Variants in CWC27 observed in about 807,000 individuals in gnomAD.
CWC27 encodes the protein spliceosome-associated protein CWC27 homolog.
Under a neutral mutation model 63.6 loss-of-function variants are expected in CWC27, and 47 were observed. The ratio of observed to expected loss-of-function variants is 0.74; its 90% CI spans 0.58 to 0.94. The LOEUF (loss-of-function observed/expected upper bound fraction) is 0.94, where lower values mean the gene tolerates loss of function less well. Among genes scored for constraint, CWC27 ranks in the 40% least tolerant of loss-of-function variants. The pLI, the probability that CWC27 is intolerant of heterozygous loss-of-function variation, is 0.00. For synonymous variants in CWC27, 175 were observed against 179.8 expected, an observed-to-expected ratio of 0.97 and a Z score of 0.22; for missense variants, 495 against 554.3, an observed-to-expected ratio of 0.89 and a Z score of 1.07.
chr5:64,984,769 C>A (rs192266715), intron 13 of CWC27, among the ~76,000 whole-genome samples: 3 of 152,070 alleles, frequency 2.0e-5, no homozygotes, highest in African/African-American at 7.2e-5. Flanking sequence ...ATATTTTTCA[C>A]GGAGTAAAAA....
At chr5:64,960,887 A>T (rs1278901947) in intron 11 of CWC27, among the ~76,000 whole-genome samples, 1 of 150,214 alleles carries the variant, frequency 6.7e-6, no homozygotes, top group Admixed American at 6.6e-5. Flanking sequence ...AGCTGTGACT[A>T]CACGCCTGCA....
chr5:64,823,379 A>G (rs898554868), intron 10 of CWC27, among the ~76,000 whole-genome samples: 1 of 152,218 alleles, frequency 6.6e-6, no homozygotes, highest in Non-Finnish European at 1.5e-5. Context: ...TATTAAGCCT[A>G]TATGGCAACC....
At chr5:64,799,011 C>T (rs1744380679) in intron 7 of CWC27, among the ~76,000 whole-genome samples, 1 of 152,144 alleles carries the variant, frequency 6.6e-6, no homozygotes, top group Non-Finnish European at 1.5e-5. Flanking sequence ...GAGATTGCAG[C>T]TCTGAAACCA....
chr5:64,778,387 T>G (rs999568814), intron 2 of CWC27, among the ~76,000 whole-genome samples: 11 of 152,136 alleles, frequency 7.2e-5, no homozygotes, highest in Admixed American at 6.6e-5. Context: ...AAGAGTGACA[T>G]TTTGAAAATG....
intron 13 of CWC27, among the ~76,000 whole-genome samples, chr5:65,004,447 C>T (rs1343922463): frequency 8.8e-6 from 1 of 113,522 alleles, no homozygotes; most frequent in Non-Finnish European, 1.7e-5. Flanking sequence ...TTTTCAAATT[C>T]AGAAATTCTT....
rs528243031 is a variant in CWC27 at position 64,934,223 on chromosome 5, G to A, written c.1043-37480G>A. ...ACCTATCAACCCATCGTCTACATTA[G>A]GCATTTCTCCTAATGCTATTTCTCC... On this transcript the variant is annotated intron_variant, in intron 11 of 13. Coordinates refer to ENST00000381070, the MANE Select transcript of CWC27 (RefSeq NM_005869.4). Among the ~76,000 whole-genome samples, 42 of 152,180 alleles carry A rather than the reference G, an allele frequency of 2.8e-4. No homozygotes were observed. The East Asian group carries it at 7.2e-3, about 26-fold the overall frequency.
intron 10 of CWC27, among the ~76,000 whole-genome samples, chr5:64,815,867 T>C (rs996904267): frequency 6.6e-6 from 1 of 152,140 alleles, no homozygotes; most frequent in African/African-American, 2.4e-5. Flanking sequence ...ATTGTAACTT[T>C]CTTATTAGAT....
In CWC27 at chr5:64,977,226, A is replaced by G; in HGVS notation, c.1244A>G (p.Asp415Gly). Residue 415 changes from aspartate (D) to glycine (G), a missense_variant, in exon 13 of 14, where the codon GAT becomes GGT. Asp to Gly is a moderately conservative substitution (Grantham distance 94, BLOSUM62 -1). Around this residue, in one of 3 missense-constraint regions of CWC27, gnomAD observed 463 missense variants for 498.1 expected, o/e 0.93. Coordinates refer to ENST00000381070, the MANE Select transcript of CWC27 (RefSeq NM_005869.4). ...GACATTCCTGAAACAGAAGTAGAAG[A>G]TGATGAAGGATGGTAAGGGCTTTGA... Reference protein sequence around the residue: ...ENDIPETEVEDDEGWMSHVLQ... With the variant: ...ENDIPETEVEGDEGWMSHVLQ... The G allele has an allele frequency of 6.2e-7, 1 of 1,606,220 alleles. No homozygotes were observed. The highest frequency in any genetic ancestry group is 8.5e-7 in the Non-Finnish European group (1 of 1,173,568).
chr5:64,867,946 G>GCT (rs202029796), intron 10 of CWC27, among the ~76,000 whole-genome samples: 5 of 143,524 alleles, frequency 3.5e-5, no homozygotes, highest in Admixed American at 6.7e-5. Flanking sequence ...TTTGGGGGGG[G>GCT]GGCTGTTGTT....
intron 11 of CWC27, among the ~76,000 whole-genome samples, chr5:64,951,610 A>G (rs1748710271): frequency 6.6e-6 from 1 of 151,936 alleles, no homozygotes; most frequent in Non-Finnish European, 1.5e-5. Flanking sequence ...GATCTCAAAA[A>G]GAAACCCTTA....
chr5:64,924,989 G>A (rs1343249862), intron 11 of CWC27, among the ~76,000 whole-genome samples: 2 of 140,646 alleles, frequency 1.4e-5, no homozygotes, highest in African/African-American at 3.0e-5. Flanking sequence ...ACACACACAC[G>A]AAAATTCACA....
chr5:64,827,172 T>C (rs1312122039), intron 10 of CWC27, among the ~76,000 whole-genome samples: 1 of 152,184 alleles, frequency 6.6e-6, no homozygotes, highest in Non-Finnish European at 1.5e-5. Context: ...TTACAATTCA[T>C]TTAACACAAA....
At chr5:64,835,559 T>G (rs1190672287) in intron 10 of CWC27, among the ~76,000 whole-genome samples, 1 of 151,898 alleles carries the variant, frequency 6.6e-6, no homozygotes, top group Non-Finnish European at 1.5e-5. Context: ...GATGTGATCT[T>G]GCTAAATATA....
intron 13 of CWC27, among the ~76,000 whole-genome samples, chr5:65,001,080 G>A (rs1057129547): frequency 3.3e-5 from 5 of 151,596 alleles, no homozygotes; most frequent in South Asian, 2.1e-4. Context: ...TGTGTGTGTC[G>A]CTACTGTGAA....
chr5:64,804,309 A>C lies in CWC27; in HGVS notation c.861A>C (p.Lys287Asn). 6.2e-7 allele frequency: 1 copy of C among 1,613,152 alleles called. No individual in the cohort carries two copies. Among genetic ancestry groups the C allele is most frequent in the South Asian group, 1.1e-5 (1 of 90,998 alleles). ...EKNLMRERIA[K>N]KLKKDTSANV... ...ACCTGATGAGAGAAAGAATTGCCAA[A>C]AAATTAAAAAAGGACACAAGTGCGA... The change falls in exon 10 of 14, where the codon AAA becomes AAC. Residue 287 changes from lysine (K) to asparagine (N), a missense_variant. Lys to Asn is a moderately conservative substitution (Grantham distance 94). This residue lies in a region of CWC27 where 463 missense variants were observed against 498.1 expected (regional missense o/e 0.93). Transcript: ENST00000381070.
In CWC27 at chr5:64,893,156, T is replaced by A. The variant is rs146090254; in HGVS notation, c.1042+7610T>A. Among the ~76,000 whole-genome samples the A allele has an allele frequency of 8.5e-3, 1,288 of 152,374 alleles. 18 individuals are homozygous for A. The highest frequency in any genetic ancestry group is 0.031 in the Middle Eastern group (9 of 294). The stretch of plus-strand genomic sequence containing the variant: ...TGTCTCCAGAGAGGAACTAATATCA[T>A]CATTAAAAGTTTGATTATAACCAGT... On this transcript the variant is annotated intron_variant, in intron 11 of 13. Coordinates refer to ENST00000381070, the MANE Select transcript of CWC27 (RefSeq NM_005869.4).
intron 13 of CWC27, among the ~76,000 whole-genome samples, chr5:65,015,982 G>A (rs1750042118): frequency 6.6e-6 from 1 of 152,226 alleles, no homozygotes; most frequent in African/African-American, 2.4e-5. Flanking sequence ...TTTCAGAGGT[G>A]TATTTACTGA....
At chr5:64,840,349 T>C (rs1200296822) in intron 10 of CWC27, among the ~76,000 whole-genome samples, 1 of 125,992 alleles carries the variant, frequency 7.9e-6, no homozygotes, top group Non-Finnish European at 1.6e-5. Flanking sequence ...TGTGTGTTTT[T>C]ATCCTTTTTC....
chr5:64,851,783 T>G (rs1166145072), intron 10 of CWC27, among the ~76,000 whole-genome samples: 1 of 152,192 alleles, frequency 6.6e-6, no homozygotes, highest in African/African-American at 2.4e-5. Context: ...AGTAAAAATC[T>G]TTACTCATTT....
Sources: allele counts gnomAD v4.1 joint callset (sites outside exome capture counted in the v4.1 genomes callset), GRCh38; gene constraint gnomAD v4.1.1; regional missense constraint gnomAD v4.1.1; transcripts MANE v1.5; gene names NCBI Gene and HGNC (gene_info 2026-07-23, HGNC 2026-07-21).